ZNF423: variants seen among roughly 807,000 people sequenced by gnomAD.
ZNF423 encodes the protein zinc finger protein 423, also known as Ebf-associated zinc finger protein.
Under a neutral mutation model 95.8 loss-of-function variants are expected in ZNF423, and 12 were observed. The ratio of observed to expected loss-of-function variants is 0.13; its 90% CI spans 0.08 to 0.20. ZNF423 has a LOEUF of 0.20. Ranked by LOEUF, ZNF423 falls within the 10% of genes least tolerant of loss-of-function variation. ZNF423 has a pLI of 1.00. For missense variants in ZNF423, 1,316 were observed against 1,737.1 expected, an observed-to-expected ratio of 0.76 and a Z score of 4.31; for synonymous variants, 749 against 711.9, an observed-to-expected ratio of 1.05 and a Z score of -0.83.
At chr16:49,725,486 T>C (rs1161985156) in intron 3 of ZNF423, among the ~76,000 whole-genome samples, 1 of 152,126 alleles carries the variant, frequency 6.6e-6, no homozygotes, top group African/African-American at 2.4e-5. Context: ...TCAACAAACA[T>C]GTTGAATTCT....
intron 2 of ZNF423, among the ~76,000 whole-genome samples, chr16:49,778,695 C>T (rs1023476394): frequency 6.6e-6 from 1 of 152,174 alleles, no homozygotes; most frequent in African/African-American, 2.4e-5. Flanking sequence ...TTGCCAGTCA[C>T]GATGTGGGGA....
intron 1 of ZNF423, among the ~76,000 whole-genome samples, chr16:49,821,490 C>T (rs138815902): frequency 5.3e-4 from 81 of 152,266 alleles, no homozygotes; most frequent in African/African-American, 1.9e-3. Context: ...CCCAGAAGAA[C>T]GCACAGGATG....
chr16:49,840,364 A>G (rs907204745), intron 1 of ZNF423, among the ~76,000 whole-genome samples: 1 of 152,204 alleles, frequency 6.6e-6, no homozygotes, highest in Non-Finnish European at 1.5e-5. Flanking sequence ...AAATCCTGGA[A>G]TACATTTTGG....
At chr16:49,731,016 G>A (rs748116332) in intron 2 of ZNF423, 45 bp from the exon 3 acceptor site, 1 of 1,598,928 alleles carries the variant, frequency 6.3e-7, no homozygotes, top group South Asian at 1.1e-5. Flanking sequence ...ATGGGGTCTT[G>A]GGAAAGGGTT....
At chr16:49,531,104 T>A (rs1968826547) in intron 5 of ZNF423, among the ~76,000 whole-genome samples, 1 of 152,170 alleles carries the variant, frequency 6.6e-6, no homozygotes, top group Admixed American at 6.5e-5. Context: ...TAGCCCTGCA[T>A]GTGACAGCGT....
intron 3 of ZNF423, among the ~76,000 whole-genome samples, chr16:49,702,874 G>A (rs573810724): frequency 9.2e-5 from 14 of 151,820 alleles, no homozygotes; most frequent in African/African-American, 3.1e-4. Flanking sequence ...TGTGCTGGAG[G>A]AGCGAGTGCC....
chr16:49,719,716 G>A lies in ZNF423; in HGVS notation c.301+11055C>T, dbSNP rs140341447. Among the ~76,000 whole-genome samples, 453 of 152,236 alleles carry A rather than the reference G, an allele frequency of 3.0e-3. 5 individuals are homozygous for A. Among genetic ancestry groups the A allele is most frequent in the African/African-American group, 0.01 (419 of 41,528 alleles). On this transcript the variant is annotated intron_variant, in intron 3 of 7. Transcript: ENST00000563137. The stretch of plus-strand genomic sequence containing the variant: ...TGTCCTTGCTACCCCTTCACCTTCC[G>A]CCATGATCGTAAGTTTCCTGAGGCC...
intron 5 of ZNF423, among the ~76,000 whole-genome samples, chr16:49,544,572 T>C (rs866472174): frequency 6.6e-6 from 1 of 152,350 alleles, no homozygotes; most frequent in South Asian, 2.1e-4. Context: ...TTAGCACATG[T>C]CTGGTGCATA....
chr16:49,637,965 T>G lies in ZNF423; in HGVS notation c.1211A>C (p.Lys404Thr), dbSNP rs780583844. 1 of 1,614,138 alleles carries G rather than the reference T, an allele frequency of 6.2e-7. No individual in the cohort carries two copies. Among genetic ancestry groups the G allele is most frequent in the Admixed American group, 1.7e-5 (1 of 60,024 alleles). ...STLKPLRGQK[K>T]MRDDGQGWTK... Reference sequence around the variant, plus strand: ...CCAGCCCTGCCCGTCATCCCGCATCTTCTTCTGCCCCCGCAGCGGCTTCAA... The same window carrying G: ...CCAGCCCTGCCCGTCATCCCGCATCGTCTTCTGCCCCCGCAGCGGCTTCAA... Residue 404 changes from lysine to threonine, a missense_variant, in exon 4 of 8, where the codon AAG becomes ACG. Around this residue, in one of 6 missense-constraint regions of ZNF423, gnomAD observed 399 missense variants for 478.5 expected, o/e 0.83. Coordinates refer to ENST00000563137, the MANE Select transcript of ZNF423 (RefSeq NM_001379286.1). This position sits in a 1 kb window ranked among gnomAD's most constrained non-coding sequence, Gnocchi z 5.6.
At chr16:49,759,670 T>C (rs2033791663) in intron 2 of ZNF423, among the ~76,000 whole-genome samples, 1 of 152,226 alleles carries the variant, frequency 6.6e-6, no homozygotes, top group African/African-American at 2.4e-5. Flanking sequence ...CCTCTGAAAC[T>C]TCCTGCTTTT....
intron 3 of ZNF423, among the ~76,000 whole-genome samples, chr16:49,662,044 C>A (rs1480104462): frequency 6.6e-6 from 1 of 152,202 alleles, no homozygotes; most frequent in Non-Finnish European, 1.5e-5. Flanking sequence ...TGGCAGCAAA[C>A]ACAGAGACCG....
intron 2 of ZNF423, among the ~76,000 whole-genome samples, chr16:49,770,922 G>A (rs934196277): frequency 6.6e-6 from 1 of 152,202 alleles, no homozygotes; most frequent in African/African-American, 2.4e-5. Flanking sequence ...AGGAGGCCAT[G>A]GCTTCCAGCC....
At chr16:49,619,377 T>C (rs1326834606) in intron 5 of ZNF423, among the ~76,000 whole-genome samples, 2 of 152,254 alleles carry the variant, frequency 1.3e-5, no homozygotes, top group East Asian at 1.9e-4. Context: ...AACAAACACA[T>C]ACGCATACAA....
At chr16:49,794,995 C>T (rs981685141) in intron 1 of ZNF423, among the ~76,000 whole-genome samples, 1 of 152,182 alleles carries the variant, frequency 6.6e-6, no homozygotes, top group African/African-American at 2.4e-5. Context: ...CCTCAGCCTC[C>T]CGAGTAGCTG....
At chr16:49,508,651 C>T (rs60817418) in intron 7 of ZNF423, among the ~76,000 whole-genome samples, 8,185 of 151,934 alleles carry the variant, frequency 0.054, 330 homozygotes, top group African/African-American at 0.11. Flanking sequence ...ACAGTGACTT[C>T]TCCTTGTGCG....
At chr16:49,797,134 G>A (rs565301015) in intron 1 of ZNF423, among the ~76,000 whole-genome samples, 7 of 152,170 alleles carry the variant, frequency 4.6e-5, no homozygotes, top group Admixed American at 4.6e-4. Context: ...GGCCACAACA[G>A]GTAAAGGGGA....
intron 5 of ZNF423, among the ~76,000 whole-genome samples, chr16:49,546,785 T>C (rs984772606): frequency 6.6e-6 from 1 of 152,176 alleles, no homozygotes; most frequent in Non-Finnish European, 1.5e-5. Flanking sequence ...CACCCTGATC[T>C]GCTTGACCTC....
chr16:49,535,743 G>C (rs1172468358), intron 5 of ZNF423, among the ~76,000 whole-genome samples: 1 of 152,132 alleles, frequency 6.6e-6, no homozygotes, highest in Non-Finnish European at 1.5e-5. Context: ...CTCAGAAAAT[G>C]AAGATTCCAC....
intron 3 of ZNF423, among the ~76,000 whole-genome samples, chr16:49,674,877 C>G (rs925205424): frequency 6.6e-6 from 1 of 152,112 alleles, no homozygotes; most frequent in Non-Finnish European, 1.5e-5. Context: ...CAGCCCTTCC[C>G]CTCCAATCAT....
Sources: allele counts gnomAD v4.1 joint callset (sites outside exome capture counted in the v4.1 genomes callset), GRCh38; gene constraint gnomAD v4.1.1; regional missense constraint gnomAD v4.1.1; non-coding constraint Gnocchi (gnomAD v3.1); transcripts MANE v1.5; gene names NCBI Gene and HGNC (gene_info 2026-07-23, HGNC 2026-07-21).